The following FBXW4 variants were observed in gnomAD, a reference collection of about 807,000 sequenced individuals.
FBXW4 encodes the protein F-box/WD repeat-containing protein 4.
In FBXW4, 40 loss-of-function variants were observed where a neutral mutation model predicts 61.8. That is an observed-to-expected ratio of 0.65 (90% CI 0.50 to 0.84). The LOEUF is 0.84. Ranked by LOEUF, FBXW4 falls within the 40% of genes least tolerant of loss-of-function variation. The probability of loss-of-function intolerance (pLI) is 0.00; values close to 1 mark genes in which losing one functional copy is unlikely to be tolerated. For missense variants in FBXW4, 672 were observed against 753.8 expected (o/e 0.89, Z 1.27); for synonymous variants, 311 against 313.8 (o/e 0.99, Z 0.10).
intron 1 of FBXW4, among the ~76,000 whole-genome samples, chr10:101,680,972 A>G (rs1486584061): frequency 6.6e-6 from 1 of 152,274 alleles, no homozygotes; most frequent in Non-Finnish European, 1.5e-5. Flanking sequence ...ACTAGAAATG[A>G]CAAATGTGAG....
At chr10:101,677,440 G>T (rs1189995228) in intron 1 of FBXW4, among the ~76,000 whole-genome samples, 1 of 152,174 alleles carries the variant, frequency 6.6e-6, no homozygotes, top group Non-Finnish European at 1.5e-5. Flanking sequence ...CGTAGTGTAT[G>T]ATTTCATTTA....
chr10:101,615,785 A>G (rs2063822781), intron 6 of FBXW4, among the ~76,000 whole-genome samples: 1 of 152,198 alleles, frequency 6.6e-6, no homozygotes, highest in South Asian at 2.1e-4. Flanking sequence ...ATAGCCCGCC[A>G]GGGACAGGCC....
At chr10:101,662,801 C>G (rs903404812) in intron 5 of FBXW4, among the ~76,000 whole-genome samples, 7 of 152,174 alleles carry the variant, frequency 4.6e-5, no homozygotes, top group African/African-American at 1.7e-4. Context: ...CACATGCCCC[C>G]CATGGGTGGC....
rs117281751 is a variant in FBXW4, at chr10:101,634,883, G to T, written c.1236-10073C>A. Reference sequence around the variant, plus strand: ...AAGCCATGAAGGTAGTGATCAGACAGACCTAACCTACAAATAACAAAAACT... The same window carrying T: ...AAGCCATGAAGGTAGTGATCAGACATACCTAACCTACAAATAACAAAAACT... On this transcript the variant is annotated intron_variant, in intron 5 of 8. Coordinates refer to ENST00000331272, the MANE Select transcript of FBXW4 (RefSeq NM_022039.4). Among the ~76,000 whole-genome samples the T allele has an allele frequency of 8.5e-3, 1,269 of 149,376 alleles. 93 individuals are homozygous for T. Among genetic ancestry groups the T allele is most frequent in the Admixed American group, 0.049 (732 of 15,046 alleles).
chr10:101,641,227 T>G (rs1042188544), intron 5 of FBXW4, among the ~76,000 whole-genome samples: 1 of 152,022 alleles, frequency 6.6e-6, no homozygotes, highest in African/African-American at 2.4e-5. Context: ...ATTAAAAGCA[T>G]GCACAATTGG....
At chr10:101,643,870 T>A (rs2064074537) in intron 5 of FBXW4, among the ~76,000 whole-genome samples, 1 of 152,180 alleles carries the variant, frequency 6.6e-6, no homozygotes, top group South Asian at 2.1e-4. Flanking sequence ...CCCACAAAAT[T>A]TCTAATAAGC....
At chr10:101,650,556 GC>G (rs151092322) in intron 5 of FBXW4, among the ~76,000 whole-genome samples, 1 of 152,116 alleles carries the variant, frequency 6.6e-6, no homozygotes, top group Non-Finnish European at 1.5e-5. Context: ...AGAACTAACC[GC>G]CCCCCTCAAG....
chr10:101,631,891 T>G (rs534426210), intron 5 of FBXW4, among the ~76,000 whole-genome samples: 1 of 152,342 alleles, frequency 6.6e-6, no homozygotes, highest in East Asian at 1.9e-4. Context: ...CCTCCCAAAG[T>G]GCTGGGATTA....
At chr10:101,617,521 T>G (rs1589738405) in intron 6 of FBXW4, among the ~76,000 whole-genome samples, 1 of 152,256 alleles carries the variant, frequency 6.6e-6, no homozygotes, top group Admixed American at 6.5e-5. Flanking sequence ...CTCAGCCCCA[T>G]CAGGTGAGAA....
chr10:101,624,881 GA>G (rs1305054315), intron 5 of FBXW4, 71 bp from the exon 6 acceptor site: 8 of 1,515,888 alleles, frequency 5.3e-6, no homozygotes, highest in Non-Finnish European at 7.3e-6. Flanking sequence ...CTAACAATGG[GA>G]AATGCCGTGC....
chr10:101,689,419 G>A (rs534423822), intron 1 of FBXW4, among the ~76,000 whole-genome samples: 1 of 152,274 alleles, frequency 6.6e-6, no homozygotes, highest in South Asian at 2.1e-4. Context: ...TGCTTCCACA[G>A]GTGTACTGTT....
intron 5 of FBXW4, among the ~76,000 whole-genome samples, chr10:101,658,883 C>T (rs1466823809): frequency 1.3e-5 from 2 of 151,982 alleles, no homozygotes; most frequent in African/African-American, 4.8e-5. Context: ...CTGAGTGTTA[C>T]AGCTAACAGG....
rs1024088823 is a variant in FBXW4, at chr10:101,685,608, A to G, written c.725+8773T>C. On this transcript the variant is annotated intron_variant, in intron 1 of 8. Coordinates refer to ENST00000331272, the MANE Select transcript of FBXW4 (RefSeq NM_022039.4). ...GAGAACAAGGTCAGGGCTGCAAACA[A>G]TACTGTTCAAACAGTAACACACCAG... Among the ~76,000 whole-genome samples, 118 of 152,370 alleles carry G rather than the reference A, an allele frequency of 7.7e-4. 1 individual carries two copies. Among genetic ancestry groups the G allele is most frequent in the Admixed American group, 7.6e-3 (116 of 15,308 alleles).
At chr10:101,692,720 C>A (rs530222440) in intron 1 of FBXW4, among the ~76,000 whole-genome samples, 1 of 121,150 alleles carries the variant, frequency 8.3e-6, no homozygotes, top group Non-Finnish European at 1.6e-5. Context: ...CACTCCAGCC[C>A]GGGCAACAAG....
intron 5 of FBXW4, chr10:101,626,500 T>C (rs1336251106): frequency 6.8e-6 from 1 of 146,288 alleles, no homozygotes; most frequent in Non-Finnish European, 1.5e-5. Context: ...CAGGCATCTC[T>C]TTTTTTTTTG....
chr10:101,680,059 ATTAT>A (rs10564210), intron 1 of FBXW4, among the ~76,000 whole-genome samples: 8,646 of 152,202 alleles, frequency 0.057, 774 homozygotes, highest in African/African-American at 0.2. Flanking sequence ...CACAAAAGTC[ATTAT>A]TTCATTCCTT....
In FBXW4 at chr10:101,660,325, G is replaced by A. The variant is rs1180771611; in HGVS notation, c.1235+7561C>T. Reference sequence around the variant, plus strand: ...ATTACACACTTGCTTGGGAAGTTGGGTTGGGAGGGGGGGTGGGTGCTGCAT... The same window carrying A: ...ATTACACACTTGCTTGGGAAGTTGGATTGGGAGGGGGGGTGGGTGCTGCAT... On this transcript the variant is annotated intron_variant, in intron 5 of 8. Coordinates refer to ENST00000331272, the MANE Select transcript of FBXW4 (RefSeq NM_022039.4). 1.6e-4 allele frequency: 54 copies of A among 344,100 alleles called. No homozygotes were observed. The Admixed American group carries it at 5.3e-3, about 34-fold the overall frequency. 21.3% of individuals were successfully genotyped at this position (344,100 alleles called of 1,614,324 possible).
At chr10:101,685,632 A>G (rs1025916370) in intron 1 of FBXW4, among the ~76,000 whole-genome samples, 14 of 152,246 alleles carry the variant, frequency 9.2e-5, no homozygotes, top group African/African-American at 3.4e-4. Flanking sequence ...GTAACACACC[A>G]GAGGGTGAAC....
At chr10:101,695,182 A>G (rs2064663940), upstream of FBXW4, 16 of 984,702 alleles carry the variant, frequency 1.6e-5, no homozygotes, top group South Asian at 4.7e-5. This position sits in a 1 kb window ranked among gnomAD's most constrained non-coding sequence, Gnocchi z 4.2. Flanking sequence ...AGGCGACACC[A>G]TGTCGGACCG....
Sources: allele counts gnomAD v4.1 joint callset (sites outside exome capture counted in the v4.1 genomes callset), GRCh38; gene constraint gnomAD v4.1.1; non-coding constraint Gnocchi (gnomAD v3.1); transcripts MANE v1.5; gene names NCBI Gene and HGNC (gene_info 2026-07-23, HGNC 2026-07-21).